EPHB1: variants seen among roughly 807,000 people sequenced by gnomAD.
EPHB1 encodes ephrin type-B receptor 1.
Under a neutral mutation model 94.4 loss-of-function variants are expected in EPHB1, and 30 were observed. The ratio of observed to expected loss-of-function variants is 0.32; its 90% CI spans 0.24 to 0.43. EPHB1 has a LOEUF of 0.43. Ranked by LOEUF, EPHB1 falls within the 20% of genes least tolerant of loss-of-function variation. EPHB1 has a pLI of 1.00. For synonymous variants in EPHB1, 522 were observed against 489.1 expected (o/e 1.07, Z -0.89); for missense variants, 1,055 against 1,308.3 (o/e 0.81, Z 2.99).
intron 1 of EPHB1, among the ~76,000 whole-genome samples, chr3:134,854,477 C>A: frequency 6.6e-6 from 1 of 152,162 alleles, no homozygotes; most frequent in South Asian, 2.1e-4. Flanking sequence ...GCCATCAGCC[C>A]GCACTGAGGA....
intron 3 of EPHB1, among the ~76,000 whole-genome samples, chr3:134,969,083 C>A (rs765415401): frequency 2.0e-5 from 3 of 152,188 alleles, no homozygotes; most frequent in Non-Finnish European, 4.4e-5. Context: ...TGTTTAACTG[C>A]TAGATCAGTT....
At chr3:135,150,249 C>T (rs1345492688) in intron 5 of EPHB1, among the ~76,000 whole-genome samples, 1 of 152,206 alleles carries the variant, frequency 6.6e-6, no homozygotes, top group African/African-American at 2.4e-5. Flanking sequence ...ACGTGATTCA[C>T]AACATGTAAA....
intron 1 of EPHB1, among the ~76,000 whole-genome samples, chr3:134,909,536 A>G (rs2038409413): frequency 6.6e-6 from 1 of 152,252 alleles, no homozygotes; most frequent in South Asian, 2.1e-4. Flanking sequence ...GCATTTGGAT[A>G]GCAGGCAGTG....
chr3:134,998,790 A>G (rs1324590301), intron 3 of EPHB1, among the ~76,000 whole-genome samples: 1 of 152,234 alleles, frequency 6.6e-6, no homozygotes, highest in Non-Finnish European at 1.5e-5. Context: ...AGTGCCTAAC[A>G]CAGTGTCTCA....
At chr3:135,096,903 C>A (rs1938799164) in intron 3 of EPHB1, among the ~76,000 whole-genome samples, 1 of 152,068 alleles carries the variant, frequency 6.6e-6, no homozygotes, top group African/African-American at 2.4e-5. Context: ...CGAGACCATC[C>A]TGGCTAACAC....
intron 12 of EPHB1, among the ~76,000 whole-genome samples, chr3:135,217,468 GCACAC>G (rs1210136287): frequency 1.2e-4 from 12 of 102,112 alleles, no homozygotes; most frequent in African/African-American, 4.3e-4. Flanking sequence ...ACACACACAC[GCACAC>G]GGGGAGAGAG....
rs556247841 is a variant in EPHB1, at chr3:135,186,442, G to A, written c.1883-6134G>A. 1.4e-4 allele frequency among the ~76,000 whole-genome samples: 21 copies of A among 152,318 alleles called. No homozygotes were observed. In the East Asian group the frequency reaches 4.1e-3, roughly 29 times the overall value. ...TCATTTATCTTGCACAAGCTAGTGT[G>A]TTAAAACTTGCTTGAAATCATGCTT... On this transcript the variant is annotated intron_variant, in intron 10 of 15. Coordinates refer to ENST00000398015, the MANE Select transcript of EPHB1 (RefSeq NM_004441.5).
At chr3:135,158,786 A>G (rs1270681472) in intron 6 of EPHB1, among the ~76,000 whole-genome samples, 2 of 152,038 alleles carry the variant, frequency 1.3e-5, no homozygotes, top group African/African-American at 4.8e-5. Flanking sequence ...GCGCTTGTAG[A>G]CAAACCATAG....
intron 5 of EPHB1, among the ~76,000 whole-genome samples, chr3:135,147,929 A>G (rs1025195736): frequency 3.3e-5 from 5 of 152,224 alleles, no homozygotes; most frequent in African/African-American, 1.2e-4. Context: ...GAACTCTGAA[A>G]TCTGAGTTTC....
intron 3 of EPHB1, among the ~76,000 whole-genome samples, chr3:134,965,169 C>A (rs929369051): frequency 1.3e-5 from 2 of 152,228 alleles, no homozygotes; most frequent in African/African-American, 2.4e-5. Context: ...CCTTCTTCAG[C>A]CCCATTCTTG....
intron 12 of EPHB1, among the ~76,000 whole-genome samples, chr3:135,217,755 G>A (rs889900306): frequency 6.6e-6 from 1 of 152,112 alleles, no homozygotes; most frequent in African/African-American, 2.4e-5. Flanking sequence ...ATTATAAAAT[G>A]TGCAAAGAAA....
At chr3:134,832,496 C>G (rs1282041644) in intron 1 of EPHB1, among the ~76,000 whole-genome samples, 1 of 152,214 alleles carries the variant, frequency 6.6e-6, no homozygotes, top group Non-Finnish European at 1.5e-5. Context: ...TGTCTTCTGG[C>G]TTCAGTCACC....
chr3:135,008,813 C>T (rs550237190), intron 3 of EPHB1, among the ~76,000 whole-genome samples: 1 of 152,326 alleles, frequency 6.6e-6, no homozygotes, highest in African/African-American at 2.4e-5. Flanking sequence ...CCTTTATTTG[C>T]TCCATCTTTG....
intron 1 of EPHB1, among the ~76,000 whole-genome samples, chr3:134,917,458 G>T (rs576165367): frequency 6.6e-6 from 1 of 152,228 alleles, no homozygotes; most frequent in Non-Finnish European, 1.5e-5. Context: ...GCTATGCCAC[G>T]TGTGAACCAA....
In EPHB1 at chr3:135,217,416, C is replaced by T. The variant is rs891915372; in HGVS notation, c.2346+15727C>T. On this transcript the variant is annotated intron_variant, in intron 12 of 15. Transcript: ENST00000398015. Reference sequence around the variant, plus strand: ...CCTAAAGCCTGCAATGAATAACTCCCATCAGTACCACACACACACACACAC... The same window carrying T: ...CCTAAAGCCTGCAATGAATAACTCCTATCAGTACCACACACACACACACAC... 4.2e-5 allele frequency among the ~76,000 whole-genome samples: 6 copies of T among 142,208 alleles called. No homozygotes were observed. The Admixed American group carries it at 4.4e-4, about 10-fold the overall frequency. 93.3% of individuals were successfully genotyped at this position (142,208 alleles called of 152,430 possible).
At chr3:135,104,209 G>T (rs1279814245) in intron 3 of EPHB1, among the ~76,000 whole-genome samples, 1 of 152,216 alleles carries the variant, frequency 6.6e-6, no homozygotes, top group South Asian at 2.1e-4. Flanking sequence ...GGCCAGGAAG[G>T]CTGGGGATTT....
chr3:134,798,556 G>A (rs2035875411), intron 1 of EPHB1, among the ~76,000 whole-genome samples: 1 of 152,210 alleles, frequency 6.6e-6, no homozygotes, highest in Admixed American at 6.5e-5. Context: ...AAGATCCGCT[G>A]GGGCTAAGTC....
At chr3:135,112,984 T>C (rs1939522740) in intron 4 of EPHB1, among the ~76,000 whole-genome samples, 1 of 152,198 alleles carries the variant, frequency 6.6e-6, no homozygotes, top group Non-Finnish European at 1.5e-5. Context: ...TGTGTTCTAT[T>C]TGATAGGTAA....
chr3:134,863,459 C>A (rs992479483), intron 1 of EPHB1, among the ~76,000 whole-genome samples: 3 of 152,180 alleles, frequency 2.0e-5, no homozygotes, highest in African/African-American at 7.2e-5. Flanking sequence ...TCTTTTAAAC[C>A]TCATGTGCGC....
Sources: allele counts gnomAD v4.1 joint callset (sites outside exome capture counted in the v4.1 genomes callset), GRCh38; gene constraint gnomAD v4.1.1; transcripts MANE v1.5; gene names NCBI Gene and HGNC (gene_info 2026-07-23, HGNC 2026-07-21).